Variants in CCDC171 observed in about 807,000 individuals in gnomAD.
CCDC171 encodes coiled-coil domain-containing protein 171.
In CCDC171, 177 loss-of-function variants were observed where a neutral mutation model predicts 168.2. The ratio of observed to expected loss-of-function variants is 1.05; its 90% CI spans 0.93 to 1.19. CCDC171 has a LOEUF of 1.19. Ranked by LOEUF, CCDC171 falls within the 50% of genes most tolerant of loss-of-function variation. CCDC171 has a pLI of 0.00. For missense variants in CCDC171, 1,991 were observed against 1,539.0 expected (o/e 1.29, Z -4.91); for synonymous variants, 687 against 540.8 (o/e 1.27, Z -3.75).
At chr9:15,868,617 CA>C (rs1358783219) in intron 23 of CCDC171, among the ~76,000 whole-genome samples, 1 of 151,694 alleles carries the variant, frequency 6.6e-6, no homozygotes, top group African/African-American at 2.4e-5. Flanking sequence ...TTTTATGAAA[CA>C]AACATTGTTG....
intron 25 of CCDC171, among the ~76,000 whole-genome samples, chr9:15,934,130 A>G (rs1281011190): frequency 1.3e-5 from 2 of 151,948 alleles, no homozygotes; most frequent in Non-Finnish European, 2.9e-5. Context: ...CTAATTCTCC[A>G]TAGAAGATAT....
chr9:16,047,870 G>A (rs766725297), intron 1 of CCDC171, among the ~76,000 whole-genome samples: 22 of 152,224 alleles, frequency 1.4e-4, no homozygotes, highest in Admixed American at 5.9e-4. Flanking sequence ...TGGCTTCCAG[G>A]TTGTGATGGG....
intron 10 of CCDC171, among the ~76,000 whole-genome samples, chr9:15,681,956 A>G (rs1463290406): frequency 6.6e-6 from 1 of 152,036 alleles, no homozygotes; most frequent in Non-Finnish European, 1.5e-5. Context: ...TAATAGTTTC[A>G]GTATTTTACA....
intron 21 of CCDC171, among the ~76,000 whole-genome samples, chr9:15,833,359 A>G (rs1002406041): frequency 6.6e-6 from 1 of 152,148 alleles, no homozygotes; most frequent in African/African-American, 2.4e-5. Flanking sequence ...TATGTGGTAC[A>G]TGACTTTATA....
chr9:15,793,555 T>TTTTTTTTTGTTTG, intron 21 of CCDC171, among the ~76,000 whole-genome samples: 1 of 42,160 alleles, frequency 2.4e-5, no homozygotes, highest in African/African-American at 5.5e-5. Flanking sequence ...TCCAAGGTTT[T>TTTTTTTTTGTTTG]TTTTTTTTTT....
intron 25 of CCDC171, among the ~76,000 whole-genome samples, chr9:15,924,831 T>C (rs533811693): frequency 1.3e-5 from 2 of 151,636 alleles, no homozygotes; most frequent in South Asian, 4.1e-4. Flanking sequence ...CTCTATCCAT[T>C]AGTTCCTTTC....
intron 2 of CCDC171, among the ~76,000 whole-genome samples, chr9:15,569,184 G>A (rs959468184): frequency 1.3e-5 from 2 of 152,074 alleles, no homozygotes; most frequent in Admixed American, 6.6e-5. Context: ...TTCGGAATCC[G>A]CCTATTTCCA....
intron 21 of CCDC171, among the ~76,000 whole-genome samples, chr9:15,844,655 C>A (rs1199357064): frequency 1.3e-5 from 2 of 151,950 alleles, no homozygotes; most frequent in African/African-American, 4.8e-5. Context: ...TGTTTCTTTT[C>A]TATGCCCCTG....
chr9:15,585,717 C>T (rs924483410), intron 4 of CCDC171, among the ~76,000 whole-genome samples: 6 of 152,128 alleles, frequency 3.9e-5, no homozygotes, highest in African/African-American at 1.4e-4. Flanking sequence ...TTGGCTCACA[C>T]CTGTAATCCC....
intron 23 of CCDC171, among the ~76,000 whole-genome samples, chr9:15,854,556 A>G (rs1358569371): frequency 6.6e-6 from 1 of 151,376 alleles, no homozygotes; most frequent in Non-Finnish European, 1.5e-5. Flanking sequence ...GATTTGCTCC[A>G]TTGTTTTTCT....
intron 11 of CCDC171, among the ~76,000 whole-genome samples, chr9:15,701,121 C>G (rs913492833): frequency 1.3e-5 from 2 of 151,950 alleles, no homozygotes; most frequent in African/African-American, 2.4e-5. Flanking sequence ...GTTTGAGTTC[C>G]TTGTGTATTC....
chr9:15,658,393 A>T (rs1197501173), intron 8 of CCDC171, among the ~76,000 whole-genome samples: 1 of 152,218 alleles, frequency 6.6e-6, no homozygotes, highest in Non-Finnish European at 1.5e-5. Context: ...GGCTGGGTGA[A>T]GAGATGATGA....
At chr9:15,775,109 A>G (rs1001002079) in intron 18 of CCDC171, among the ~76,000 whole-genome samples, 1 of 152,036 alleles carries the variant, frequency 6.6e-6, no homozygotes, top group African/African-American at 2.4e-5. Flanking sequence ...TTGAAATAAA[A>G]AAAATTGCCC....
At chr9:15,881,903 TA>T (rs1466974728) in intron 24 of CCDC171, among the ~76,000 whole-genome samples, 2 of 152,222 alleles carry the variant, frequency 1.3e-5, no homozygotes, top group African/African-American at 4.8e-5. Flanking sequence ...AATGCTGCAG[TA>T]AAAATAGGAG....
the CCDC171 span, among the ~76,000 whole-genome samples, chr9:16,077,587 G>A: frequency 3.9e-5 from 6 of 152,170 alleles, no homozygotes; most frequent in African/African-American, 1.4e-4. Context: ...CAGAGACGAC[G>A]AGAGACATGT....
intron 23 of CCDC171, among the ~76,000 whole-genome samples, chr9:15,869,513 G>GTTTTTTTTTTTTTTTTTTTTTTTT (rs72548935): frequency 6.8e-6 from 1 of 147,978 alleles, no homozygotes; most frequent in Non-Finnish European, 1.5e-5. Flanking sequence ...AAAGCGTAGT[G>GTTTTTTTTTTTTTTTTTTTTTTTT]TTTTTTTTTT....
intron 9 of CCDC171, among the ~76,000 whole-genome samples, chr9:15,675,187 G>GTTCTTTT (rs2049435851): frequency 1.3e-5 from 1 of 75,530 alleles, no homozygotes; most frequent in Non-Finnish European, 2.3e-5. Flanking sequence ...TGCAACTCCT[G>GTTCTTTT]TTTTTTTTTT....
chr9:15,729,857 CTT>C (rs57410956), intron 16 of CCDC171, 59 bp downstream of exon 16: 54 of 1,192,992 alleles, frequency 4.5e-5, no homozygotes, highest in Middle Eastern at 2.2e-4. Flanking sequence ...CCATTAGAAA[CTT>C]TTTTTTTTTC....
intron 11 of CCDC171, among the ~76,000 whole-genome samples, chr9:15,713,668 T>TA (rs1240912296): frequency 2.0e-5 from 3 of 152,110 alleles, no homozygotes; most frequent in African/African-American, 7.2e-5. Flanking sequence ...GTGGATGACT[T>TA]ACTTTGCTTC....
Sources: gnomAD v4.1 joint callset for allele counts (sites outside exome capture counted in the v4.1 genomes callset) on GRCh38, gnomAD v4.1.1 for gene constraint, MANE v1.5 for transcripts, NCBI Gene and HGNC (gene_info 2026-07-23, HGNC 2026-07-21) for gene names.